The following SPOCK3 variants were observed in gnomAD, a reference collection of about 807,000 sequenced individuals.
SPOCK3 encodes testican-3.
A neutral mutation model predicts 56.6 loss-of-function variants in SPOCK3; 30 were observed. That is an observed-to-expected ratio of 0.53 (90% CI 0.40 to 0.72). SPOCK3 has a LOEUF of 0.72. Ranked by LOEUF, SPOCK3 falls within the 30% of genes least tolerant of loss-of-function variation. The probability of loss-of-function intolerance (pLI) is 0.00; values close to 1 mark genes in which losing one functional copy is unlikely to be tolerated. For synonymous variants in SPOCK3, 196 were observed against 183.3 expected (o/e 1.07, Z -0.56); for missense variants, 527 against 530.0 (o/e 0.99, Z 0.06).
chr4:167,154,276 T>C (rs1368753393), intron 2 of SPOCK3, among the ~76,000 whole-genome samples: 1 of 151,938 alleles, frequency 6.6e-6, no homozygotes, highest in Non-Finnish European at 1.5e-5. Flanking sequence ...TAAGATTATA[T>C]TCCCTCCAGC....
chr4:166,911,739 T>C (rs758923191), intron 5 of SPOCK3, among the ~76,000 whole-genome samples: 3 of 152,022 alleles, frequency 2.0e-5, no homozygotes, highest in Admixed American at 6.6e-5. Flanking sequence ...GGTTTCACCA[T>C]GTTGGCCAGG....
At chr4:166,927,925 G>A (rs1739301721) in intron 4 of SPOCK3, among the ~76,000 whole-genome samples, 1 of 152,092 alleles carries the variant, frequency 6.6e-6, no homozygotes, top group South Asian at 2.1e-4. Context: ...CAAAGACCTT[G>A]ATAGACACCT....
chr4:167,069,607 T>A (rs1183636271), intron 2 of SPOCK3, among the ~76,000 whole-genome samples: 1 of 151,740 alleles, frequency 6.6e-6, no homozygotes, highest in Non-Finnish European at 1.5e-5. Flanking sequence ...TGAAATAAAA[T>A]ATACAAGATC....
At chr4:166,927,344 GAC>G (rs1246696482) in intron 4 of SPOCK3, among the ~76,000 whole-genome samples, 1 of 152,138 alleles carries the variant, frequency 6.6e-6, no homozygotes, top group African/African-American at 2.4e-5. Flanking sequence ...GGGCTCATGA[GAC>G]CCGATGGTTT....
chr4:167,158,360 T>G (rs1045786046), intron 2 of SPOCK3, among the ~76,000 whole-genome samples: 1 of 151,966 alleles, frequency 6.6e-6, no homozygotes, highest in Admixed American at 6.6e-5. Flanking sequence ...AAAAATATAT[T>G]AAAATGTCAT....
chr4:167,128,415 AC>A (rs1426873782), intron 2 of SPOCK3, among the ~76,000 whole-genome samples: 1 of 152,116 alleles, frequency 6.6e-6, no homozygotes, highest in Non-Finnish European at 1.5e-5. Context: ...TGGGTACACC[AC>A]CATTTATTAC....
At chr4:167,152,454 A>G (rs1286783540) in intron 2 of SPOCK3, among the ~76,000 whole-genome samples, 1 of 152,068 alleles carries the variant, frequency 6.6e-6, no homozygotes, top group South Asian at 2.1e-4. Flanking sequence ...TACTCAGGGT[A>G]GAGAATATAA....
chr4:167,070,695 C>T (rs1756586317), intron 2 of SPOCK3, among the ~76,000 whole-genome samples: 3 of 152,034 alleles, frequency 2.0e-5, no homozygotes, highest in Middle Eastern at 6.8e-3. Context: ...TATATGATCT[C>T]ATTTACACAT....
At chr4:166,913,351 C>T (rs1051827864) in intron 4 of SPOCK3, among the ~76,000 whole-genome samples, 12 of 152,148 alleles carry the variant, frequency 7.9e-5, no homozygotes, top group Non-Finnish European at 1.5e-4. Context: ...CTTCTGCCAC[C>T]TACACTTACG....
intron 3 of SPOCK3, among the ~76,000 whole-genome samples, chr4:167,057,645 T>C (rs1299509765): frequency 6.6e-6 from 1 of 152,048 alleles, no homozygotes; most frequent in Non-Finnish European, 1.5e-5. Flanking sequence ...TCCTAGTCTC[T>C]GATAAAACAG....
At chr4:166,878,498 T>A (rs1178587468) in intron 6 of SPOCK3, among the ~76,000 whole-genome samples, 3 of 151,370 alleles carry the variant, frequency 2.0e-5, no homozygotes, top group African/African-American at 4.9e-5. Context: ...GTATATTTTA[T>A]ATGTATATTT....
At chr4:167,153,906 G>A (rs1002713079) in intron 2 of SPOCK3, among the ~76,000 whole-genome samples, 1 of 980 alleles carries the variant, frequency 1.0e-3, no homozygotes, top group African/African-American at 2.6e-3. Flanking sequence ...AGATTTCAGG[G>A]AAAAACTAGG....
Position 166,734,760 on chromosome 4 carries a change from CAT to C in SPOCK3, c.*159_*160del. 1.7e-6 allele frequency: 1 copy of C among 597,042 alleles called. No homozygotes were observed. The highest frequency in any genetic ancestry group is 2.8e-6 in the Non-Finnish European group (1 of 362,666). 37.0% of individuals were successfully genotyped at this position (597,042 alleles called of 1,614,324 possible). On this transcript the variant is annotated 3_prime_UTR_variant, in exon 11 of 11. Coordinates refer to ENST00000357545, the MANE Select transcript of SPOCK3 (RefSeq NM_001040159.2). Reference sequence around the variant, plus strand: ...TCAAAGCAAATGATTCTTATTTAAACATAAAGTTCTATAACTTTAGCTGCAAT... The same window carrying C: ...TCAAAGCAAATGATTCTTATTTAAACAAAGTTCTATAACTTTAGCTGCAAT...
At chr4:166,963,785 C>T (rs908673760) in intron 4 of SPOCK3, among the ~76,000 whole-genome samples, 3 of 151,804 alleles carry the variant, frequency 2.0e-5, no homozygotes, top group African/African-American at 4.8e-5. Context: ...GCATGATTTG[C>T]AACTTGTTTT....
At chr4:167,140,888 C>G (rs1165527933) in intron 2 of SPOCK3, among the ~76,000 whole-genome samples, 2 of 152,042 alleles carry the variant, frequency 1.3e-5, no homozygotes, top group Non-Finnish European at 2.9e-5. Flanking sequence ...CATCAACAAT[C>G]TAGTCCTTAA....
At chr4:166,836,805 C>T (rs929940869) in intron 6 of SPOCK3, among the ~76,000 whole-genome samples, 9 of 152,270 alleles carry the variant, frequency 5.9e-5, no homozygotes, top group Non-Finnish European at 1.2e-4. Flanking sequence ...GAAAATTCCC[C>T]GATCTTGGTA....
chr4:167,131,599 TC>T (rs1416904559), intron 2 of SPOCK3, among the ~76,000 whole-genome samples: 1 of 151,662 alleles, frequency 6.6e-6, no homozygotes, highest in African/African-American at 2.4e-5. Context: ...CAAGACTCCG[TC>T]CCCCACAAAA....
intron 7 of SPOCK3, among the ~76,000 whole-genome samples, chr4:166,790,852 G>A (rs1741265317): frequency 6.6e-6 from 1 of 152,126 alleles, no homozygotes; most frequent in Non-Finnish European, 1.5e-5. Context: ...TTAAAAACAG[G>A]TGTGAACATG....
chr4:167,229,967 A>T (rs1736990793), intron 2 of SPOCK3, among the ~76,000 whole-genome samples: 1 of 152,088 alleles, frequency 6.6e-6, no homozygotes, highest in African/African-American at 2.4e-5. Context: ...AACAAATTTA[A>T]TTTAATCTAG....
Sources: allele counts gnomAD v4.1 joint callset (sites outside exome capture counted in the v4.1 genomes callset), GRCh38; gene constraint gnomAD v4.1.1; transcripts MANE v1.5; gene names NCBI Gene and HGNC (gene_info 2026-07-23, HGNC 2026-07-21).